SLC22A24: variants seen among roughly 807,000 people sequenced by gnomAD.
SLC22A24 encodes the protein solute carrier family 22 member 24.
A neutral mutation model predicts 49.8 loss-of-function variants in SLC22A24; 53 were observed. The observed-to-expected ratio is 1.06, with a 90% CI of 0.85 to 1.34. SLC22A24 has a LOEUF of 1.34. Among genes scored for constraint, SLC22A24 ranks in the 40% most tolerant of loss-of-function variants. The pLI is 0.00. For missense variants in SLC22A24, 786 were observed against 675.9 expected (o/e 1.16, Z -1.81); for synonymous variants, 302 against 256.4 (o/e 1.18, Z -1.70).
intron 6 of SLC22A24, among the ~76,000 whole-genome samples, chr11:63,091,177 C>T (rs2087018327): frequency 1.3e-5 from 2 of 152,162 alleles, no homozygotes; most frequent in Non-Finnish European, 2.9e-5. Flanking sequence ...AATTTCTGGA[C>T]ACACACACCC....
At chr11:63,139,347 A>G (rs77688601) in intron 1 of SLC22A24, among the ~76,000 whole-genome samples, 5,133 of 152,300 alleles carry the variant, frequency 0.034, 282 homozygotes, top group African/African-American at 0.12. Flanking sequence ...GATCCCTCTC[A>G]AAATGCTGTG....
chr11:63,118,300 C>A (rs1242759585), intron 4 of SLC22A24, among the ~76,000 whole-genome samples: 1 of 152,040 alleles, frequency 6.6e-6, no homozygotes, highest in African/African-American at 2.4e-5. Context: ...CCAACATTCA[C>A]TTTCTTACTG....
At chr11:63,105,653 G>A (rs566937421) in intron 4 of SLC22A24, among the ~76,000 whole-genome samples, 1 of 152,094 alleles carries the variant, frequency 6.6e-6, no homozygotes, top group Non-Finnish European at 1.5e-5. Flanking sequence ...CACACAGCAG[G>A]GGTCCCTTGG....
chr11:63,126,823 C>T (rs1475506250), intron 2 of SLC22A24, among the ~76,000 whole-genome samples: 3 of 152,048 alleles, frequency 2.0e-5, no homozygotes, highest in African/African-American at 7.2e-5. Flanking sequence ...TTGGTGTCCT[C>T]CCATTTCTTT....
chr11:63,109,194 C>A (rs28864694), intron 4 of SLC22A24, among the ~76,000 whole-genome samples: 2 of 145,052 alleles, frequency 1.4e-5, no homozygotes, highest in Non-Finnish European at 3.0e-5. Flanking sequence ...TTTTATGGCT[C>A]CATAGTATTC....
In SLC22A24 at chr11:63,121,908, G is replaced by T. The variant is rs1208617908; in HGVS notation, c.507-2573C>A. 2.6e-5 allele frequency among the ~76,000 whole-genome samples: 4 copies of T among 151,958 alleles called. No homozygotes were observed. In the South Asian group the frequency reaches 6.2e-4, roughly 24 times the overall value. ...TGCAGGATATCACACACTTTTTTTA[G>T]CTTGAAGAAATAAAAACATTAATAA... On this transcript the variant is annotated intron_variant, in intron 2 of 9. Coordinates refer to ENST00000612278, the MANE Select transcript of SLC22A24 (RefSeq NM_001136506.2).
chr11:63,108,619 G>A (rs1405727128), intron 4 of SLC22A24, among the ~76,000 whole-genome samples: 1 of 152,052 alleles, frequency 6.6e-6, no homozygotes, highest in Non-Finnish European at 1.5e-5. Context: ...CCTGTTATTG[G>A]TCTATTCAGA....
rs1428897707 is a variant in SLC22A24 at position 63,143,720 on chromosome 11, C to G, written c.60G>C (p.Leu20=). 6.6e-7 allele frequency: 1 copy of G among 1,524,250 alleles called. No individual in the cohort carries two copies. Among genetic ancestry groups the G allele is most frequent in the Non-Finnish European group, 8.8e-7 (1 of 1,136,736 alleles). 94.4% of individuals were successfully genotyped at this position (1,524,250 alleles called of 1,614,324 possible). ...TGTTGGTGATGCAAAAGAAAGCTATCAGACAAATCTGGAATCTCCCCATGC... is the reference window on the plus strand; with the variant it reads ...TGTTGGTGATGCAAAAGAAAGCTATGAGACAAATCTGGAATCTCCCCATGC... ...VGGMGRFQIC[L]IAFFCITNIL... Residue 20 remains leucine, a synonymous_variant, in exon 1 of 10, where the codon CTG becomes CTC. Coordinates refer to ENST00000612278, the MANE Select transcript of SLC22A24 (RefSeq NM_001136506.2).
At chr11:63,110,972 A>C (rs1170409232) in intron 4 of SLC22A24, among the ~76,000 whole-genome samples, 3 of 152,046 alleles carry the variant, frequency 2.0e-5, no homozygotes, top group Non-Finnish European at 4.4e-5. Context: ...TCAGTATGAT[A>C]TTGGCTGTGG....
At position 63,081,140 on chromosome 11, in the gene SLC22A24, C is replaced by G; in HGVS notation, c.1395-17G>C. 6.5e-7 allele frequency: 1 copy of G among 1,545,774 alleles called. No individual in the cohort carries two copies. Among genetic ancestry groups the G allele is most frequent in the Non-Finnish European group, 8.8e-7 (1 of 1,141,952 alleles). On this transcript the variant is annotated splice_polypyrimidine_tract_variant and intron_variant, in intron 8 of 9. Transcript: ENST00000612278. ...ACTGTTGACCTTAGAGTGCAAATAA[C>G]AATACAAAAAATCTTGTATGAATCT...
At chr11:63,095,811 C>G (rs1471216021) in intron 6 of SLC22A24, among the ~76,000 whole-genome samples, 180 bp downstream of exon 6, 1 of 152,198 alleles carries the variant, frequency 6.6e-6, no homozygotes, top group Non-Finnish European at 1.5e-5. Flanking sequence ...TTAGGTCCCA[C>G]TGTCCTGTCA....
At chr11:63,118,861 A>G (rs753797777) in intron 4 of SLC22A24, 51 bp downstream of exon 4, 10 of 1,544,902 alleles carry the variant, frequency 6.5e-6, no homozygotes, top group South Asian at 3.6e-5. Context: ...TTTCCTTTCT[A>G]TGTCTACCAT....
chr11:63,140,095 T>C (rs568551510), intron 1 of SLC22A24, among the ~76,000 whole-genome samples: 2 of 149,406 alleles, frequency 1.3e-5, no homozygotes, highest in Non-Finnish European at 3.0e-5. Context: ...TTTGTTTTTT[T>C]TTTTTGAGAC....
At chr11:63,094,339 T>C (rs758998247) in intron 6 of SLC22A24, among the ~76,000 whole-genome samples, 11 of 152,134 alleles carry the variant, frequency 7.2e-5, no homozygotes, top group African/African-American at 1.4e-4. Context: ...CATAGTATTC[T>C]ATGGTGTATA....
chr11:63,084,081 C>G (rs952318450), intron 6 of SLC22A24, among the ~76,000 whole-genome samples: 1 of 152,116 alleles, frequency 6.6e-6, no homozygotes, highest in Non-Finnish European at 1.5e-5. Context: ...CCATATCAAC[C>G]ACCAAGGTCA....
intron 2 of SLC22A24, among the ~76,000 whole-genome samples, chr11:63,121,905 T>C (rs1463085163): frequency 6.6e-6 from 1 of 152,096 alleles, no homozygotes; most frequent in Non-Finnish European, 1.5e-5. Context: ...CACACTTTTT[T>C]TAGCTTGAAG....
intron 1 of SLC22A24, among the ~76,000 whole-genome samples, chr11:63,138,249 T>C (rs2087389118): frequency 6.6e-6 from 1 of 152,186 alleles, no homozygotes; most frequent in Non-Finnish European, 1.5e-5. Flanking sequence ...GCAGGGATTC[T>C]TTCTTTTTGT....
intron 4 of SLC22A24, 108 bp from the exon 5 acceptor site, chr11:63,104,406 T>C (rs1221585878): frequency 7.2e-6 from 9 of 1,248,870 alleles, no homozygotes; most frequent in African/African-American, 3.0e-5. Flanking sequence ...TTATAAATTA[T>C]AGTAGAGTCA....
Position 63,079,968 on chromosome 11 carries a change from T to A in SLC22A24, c.1631A>T (p.Asp544Val). 3 of 1,546,982 alleles carry A rather than the reference T, an allele frequency of 1.9e-6. No individual in the cohort carries two copies. The South Asian group carries it at 3.6e-5, about 18-fold the overall frequency. ...RKDSRNIKQEDTCMKVTQF is the reference protein window; with the variant it reads ...RKDSRNIKQEVTCMKVTQF The stretch of plus-strand genomic sequence containing the variant: ...AAACTGTGTTACTTTCATGCAAGTA[T>A]CTTCCTGCTTTATGTTTCTTGAATC... Residue 544 changes from aspartate (D) to valine (V), a missense_variant, in exon 10 of 10, where the codon GAT becomes GTT. By Grantham distance (152) the Asp-to-Val change is radical (BLOSUM62 -3). Transcript: ENST00000612278.
Sources: gnomAD v4.1 joint callset for allele counts (sites outside exome capture counted in the v4.1 genomes callset) on GRCh38, gnomAD v4.1.1 for gene constraint, MANE v1.5 for transcripts, NCBI Gene and HGNC (gene_info 2026-07-23, HGNC 2026-07-21) for gene names.